ZNF341: variants seen among roughly 807,000 people sequenced by gnomAD.
The protein encoded by ZNF341 is zinc finger protein 341.
Under a neutral mutation model 87.7 loss-of-function variants are expected in ZNF341, and 52 were observed. That is an observed-to-expected ratio of 0.59 (90% confidence interval 0.47 to 0.75). The LOEUF (loss-of-function observed/expected upper bound fraction) is 0.75, where lower values mean the gene tolerates loss of function less well. Ranked by LOEUF, ZNF341 falls within the 30% of genes least tolerant of loss-of-function variation. The pLI is 0.00. For missense variants in ZNF341, 977 were observed against 1,145.9 expected (o/e 0.85, Z 2.13); for synonymous variants, 459 against 472.7 (o/e 0.97, Z 0.38).
chr20:33,768,036 G>A (rs564874380), intron 9 of ZNF341, among the ~76,000 whole-genome samples: 1 of 152,254 alleles, frequency 6.6e-6, no homozygotes, highest in Admixed American at 6.5e-5. Flanking sequence ...TTCTGGAAGT[G>A]ATGCAGTCCT....
intron 12 of ZNF341, chr20:33,788,524 T>C: frequency 2.7e-6 from 1 of 365,026 alleles, no homozygotes; most frequent in Non-Finnish European, 5.3e-6. Flanking sequence ...CCTTGTTCTC[T>C]GGCCACACCA....
intron 2 of ZNF341, among the ~76,000 whole-genome samples, chr20:33,742,805 C>T (rs751456200): frequency 2.6e-5 from 4 of 152,144 alleles, no homozygotes; most frequent in Admixed American, 6.6e-5. Context: ...GTTGCAGATA[C>T]GGTACAGTTC....
chr20:33,778,703 G>A (rs1426860735), intron 10 of ZNF341, among the ~76,000 whole-genome samples: 3 of 152,138 alleles, frequency 2.0e-5, no homozygotes, highest in African/African-American at 7.2e-5. Context: ...CAGCCTGCCT[G>A]GGGTTTCCCA....
chr20:33,757,464 A>G, intron 6 of ZNF341, 121 bp downstream of exon 6: 1 of 868,060 alleles, frequency 1.2e-6, no homozygotes, highest in Non-Finnish European at 1.6e-6. Context: ...AAAATTCAAA[A>G]TATCAATGAC....
chr20:33,748,887 C>T (rs745754781), intron 3 of ZNF341, 36 bp from the exon 4 acceptor site: 2 of 1,583,634 alleles, frequency 1.3e-6, no homozygotes, highest in Non-Finnish European at 1.7e-6. Context: ...CTCTGTCTCT[C>T]TCCGTCTCAC....
At chr20:33,740,515 T>A (rs1429593764) in intron 1 of ZNF341, among the ~76,000 whole-genome samples, 1 of 152,150 alleles carries the variant, frequency 6.6e-6, no homozygotes, top group African/African-American at 2.4e-5. Flanking sequence ...TTTGTCTTGC[T>A]TGAGACAGGG....
At position 33,776,623 on chromosome 20, in the gene ZNF341, C is replaced by T. The variant is rs536805389; in HGVS notation, c.1623-4668C>T. Among the ~76,000 whole-genome samples the T allele has an allele frequency of 1.6e-4, 25 of 152,218 alleles. No homozygotes were observed. The East Asian group carries it at 2.7e-3, about 16-fold the overall frequency. Reference sequence around the variant, plus strand: ...CTGGTCTGGAACTCCTGGGCTCAAGCGGTCCACCTGCCTTGTTCTCCCAAA... The same window carrying T: ...CTGGTCTGGAACTCCTGGGCTCAAGTGGTCCACCTGCCTTGTTCTCCCAAA... On this transcript the variant is annotated intron_variant, in intron 10 of 14. Coordinates refer to ENST00000375200, the MANE Select transcript of ZNF341 (RefSeq NM_001282933.2).
Position 33,790,095 on chromosome 20 carries a change from C to T in ZNF341, c.2035+507C>T, listed in dbSNP as rs563566007. On this transcript the variant is annotated intron_variant, in intron 14 of 14. Coordinates refer to ENST00000375200, the MANE Select transcript of ZNF341 (RefSeq NM_001282933.2). ...TAATTTTTTTTTTTTTTTTTTGAGA[C>T]GGAGCCTCCCTCTGTCACCCAGGTG... 6.8e-5 allele frequency among the ~76,000 whole-genome samples: 10 copies of T among 146,166 alleles called. No individual in the cohort carries two copies. The East Asian group carries it at 9.9e-4, about 14-fold the overall frequency.
rs189213739 is a variant in ZNF341, at chr20:33,791,668, A to G, written c.*151A>G. ...GAATGTCATTCAGAAACCTCAGCCCATGGTCGCCCTCCTGTGCCCCTCTCC... is the reference window on the plus strand; with the variant it reads ...GAATGTCATTCAGAAACCTCAGCCCGTGGTCGCCCTCCTGTGCCCCTCTCC... On this transcript the variant is annotated 3_prime_UTR_variant, in exon 15 of 15. Transcript: ENST00000375200. The G allele has an allele frequency of 1.5e-3, 1,406 of 926,106 alleles. 31 individuals are homozygous for G. The Admixed American group carries it at 0.03, about 20-fold the overall frequency. 57.4% of individuals were successfully genotyped at this position (926,106 alleles called of 1,614,324 possible). A position where few individuals can be genotyped will look rare whatever the true frequency, so the allele number is the denominator to read the frequency against.
intron 10 of ZNF341, among the ~76,000 whole-genome samples, chr20:33,774,933 G>A (rs771984498): frequency 6.6e-6 from 1 of 152,188 alleles, no homozygotes; most frequent in Admixed American, 6.6e-5. Context: ...CACTGCACTC[G>A]TGAGACCCTG....
At chr20:33,745,409 C>A (rs1415920569) in intron 3 of ZNF341, 110 bp downstream of exon 3, 2 of 1,137,398 alleles carry the variant, frequency 1.8e-6, no homozygotes, top group Non-Finnish European at 2.5e-6. Context: ...CAAGTCCCTG[C>A]CCTTGTGGAG....
In ZNF341 at chr20:33,791,398, G is replaced by T; in HGVS notation, c.2446G>T (p.Val816Leu). Residue 816 changes from valine (V) to leucine (L), a missense_variant, in exon 15 of 15, where the codon GTG (valine) becomes TTG (leucine). Physicochemically the swap from Val to Leu is conservative, Grantham distance 32. This residue lies in a region of ZNF341 where 221 missense variants were observed against 212.7 expected (regional missense o/e 1.04). Transcript: ENST00000375200. ...GGAVGAETELVVPGHAEGLGS... is the reference protein window; with the variant it reads ...GGAVGAETELLVPGHAEGLGS... ...TGCGGTGGGCGCGGAAACTGAGCTGGTGGTACCTGGACACGCTGAGGGGCT... is the reference window on the plus strand; with the variant it reads ...TGCGGTGGGCGCGGAAACTGAGCTGTTGGTACCTGGACACGCTGAGGGGCT... The T allele has an allele frequency of 6.2e-7, 1 of 1,612,500 alleles. No homozygotes were observed. Among genetic ancestry groups the T allele is most frequent in the Non-Finnish European group, 8.5e-7 (1 of 1,179,740 alleles).
At chr20:33,765,766 G>T (rs1286895041) in intron 8 of ZNF341, among the ~76,000 whole-genome samples, 2 of 152,152 alleles carry the variant, frequency 1.3e-5, no homozygotes, top group African/African-American at 4.8e-5. Flanking sequence ...CATTTATAGA[G>T]GCCTACTATG....
chr20:33,783,952 A>G, intron 12 of ZNF341, 88 bp downstream of exon 12: 1 of 1,242,992 alleles, frequency 8.0e-7, no homozygotes, highest in Non-Finnish European at 1.1e-6. Flanking sequence ...TCCCATCCCC[A>G]TCTGGCTCTT....
At chr20:33,786,440 T>C (rs182015962) in intron 12 of ZNF341, among the ~76,000 whole-genome samples, 1 of 152,360 alleles carries the variant, frequency 6.6e-6, no homozygotes, top group East Asian at 1.9e-4. Flanking sequence ...AATGCATGTG[T>C]AATACTGAGT....
At chr20:33,766,515 G>C (rs2122697259) in intron 8 of ZNF341, among the ~76,000 whole-genome samples, 1 of 152,242 alleles carries the variant, frequency 6.6e-6, no homozygotes, top group South Asian at 2.1e-4. Flanking sequence ...AATTAGAAGA[G>C]GGGACTGGGG....
intron 8 of ZNF341, among the ~76,000 whole-genome samples, chr20:33,764,561 A>ATATATATATTTT (rs1266929824): frequency 1.1e-4 from 3 of 28,412 alleles, no homozygotes; most frequent in Admixed American, 6.1e-4. Context: ...ATATATATAT[A>ATATATATATTTT]TTTTTTTTTT....
chr20:33,786,027 C>CTTTTTTT (rs11478588), intron 12 of ZNF341, among the ~76,000 whole-genome samples: 4 of 68,684 alleles, frequency 5.8e-5, no homozygotes, highest in South Asian at 8.5e-4. Flanking sequence ...ATGTATGAAC[C>CTTTTTTT]TTTTTTTTTT....
intron 9 of ZNF341, among the ~76,000 whole-genome samples, chr20:33,769,318 A>G (rs540559544): frequency 7.1e-6 from 1 of 140,250 alleles, no homozygotes; most frequent in Admixed American, 7.5e-5. Flanking sequence ...TGATGCACAT[A>G]TTCAGACCCA....
Sources: gnomAD v4.1 joint callset for allele counts (sites outside exome capture counted in the v4.1 genomes callset) on GRCh38, gnomAD v4.1.1 for gene constraint, gnomAD v4.1.1 regional missense constraint, MANE v1.5 for transcripts, NCBI Gene and HGNC (gene_info 2026-07-23, HGNC 2026-07-21) for gene names.